Variants in PARN observed in about 807,000 individuals in gnomAD.
The protein encoded by PARN is poly(A)-specific ribonuclease.
PARN carries 71 observed loss-of-function variants against 102.8 expected under a neutral mutation model. That is an observed-to-expected ratio of 0.69 (90% CI 0.57 to 0.84). The LOEUF (loss-of-function observed/expected upper bound fraction) is 0.84. Among genes scored for constraint, PARN ranks in the 40% least tolerant of loss-of-function variants. PARN has a pLI of 0.00. For missense variants in PARN, 782 were observed against 760.9 expected (o/e 1.03, Z -0.33); for synonymous variants, 261 against 252.9 (o/e 1.03, Z -0.30).
intron 21 of PARN, among the ~76,000 whole-genome samples, chr16:14,518,291 CAAAAAAAA>C (rs34169116): frequency 3.8e-5 from 2 of 52,266 alleles, no homozygotes; most frequent in African/African-American, 8.8e-5. Flanking sequence ...GACCCTGTCT[CAAAAAAAA>C]AAAAAAAAAA....
chr16:14,577,825 G>A (rs569354692), intron 18 of PARN, among the ~76,000 whole-genome samples: 15 of 151,720 alleles, frequency 9.9e-5, no homozygotes, highest in African/African-American at 3.6e-4. Context: ...CCATCAACAC[G>A]CTCAGCTACT....
chr16:14,473,157 C>T (rs1278827810), intron 22 of PARN, among the ~76,000 whole-genome samples: 3 of 152,108 alleles, frequency 2.0e-5, no homozygotes, highest in African/African-American at 7.2e-5. Flanking sequence ...AAAGGAATAA[C>T]AGAAACCACC....
intron 22 of PARN, among the ~76,000 whole-genome samples, chr16:14,465,363 G>C (rs1031927711): frequency 2.6e-5 from 4 of 152,182 alleles, no homozygotes; most frequent in Non-Finnish European, 5.9e-5. Flanking sequence ...GATTACAGGC[G>C]TGAGCCAATG....
intron 22 of PARN, among the ~76,000 whole-genome samples, chr16:14,470,650 G>T (rs557775318): frequency 1.3e-5 from 2 of 151,678 alleles, no homozygotes; most frequent in African/African-American, 4.8e-5. Flanking sequence ...GTAGAGACAG[G>T]GTTTCGCCAT....
At chr16:14,577,907 A>T (rs1969245932) in intron 18 of PARN, among the ~76,000 whole-genome samples, 2 of 151,078 alleles carry the variant, frequency 1.3e-5, no homozygotes, top group Admixed American at 1.3e-4. Context: ...ACCTCAGGTG[A>T]TCCGCCCGCC....
At chr16:14,585,913 T>C (rs1270169864) in intron 14 of PARN, among the ~76,000 whole-genome samples, 5 of 151,844 alleles carry the variant, frequency 3.3e-5, no homozygotes, top group Non-Finnish European at 5.9e-5. Context: ...CAAGCTTATA[T>C]GAACATGATC....
At chr16:14,589,037 G>A (rs1970017711) in intron 13 of PARN, among the ~76,000 whole-genome samples, 1 of 151,792 alleles carries the variant, frequency 6.6e-6, no homozygotes, top group East Asian at 1.9e-4. Context: ...AAAATTAGCT[G>A]GGCATGGTGG....
At chr16:14,496,534 C>T (rs1964327922) in intron 21 of PARN, among the ~76,000 whole-genome samples, 1 of 152,158 alleles carries the variant, frequency 6.6e-6, no homozygotes, top group Non-Finnish European at 1.5e-5. Context: ...TGACAGACAG[C>T]TGAAAGACCT....
At chr16:14,525,265 C>T (rs1965935610) in intron 21 of PARN, among the ~76,000 whole-genome samples, 6 of 152,122 alleles carry the variant, frequency 3.9e-5, no homozygotes, top group Admixed American at 3.9e-4. Context: ...CTCCCTCCCA[C>T]CTGAAAGATA....
intron 21 of PARN, among the ~76,000 whole-genome samples, chr16:14,520,805 C>T (rs930230140): frequency 6.6e-5 from 10 of 152,022 alleles, no homozygotes; most frequent in Non-Finnish European, 1.5e-5. Context: ...AGCAGGTGTT[C>T]GTAGAGATGA....
intron 21 of PARN, among the ~76,000 whole-genome samples, chr16:14,518,791 AAT>A (rs1965593293): frequency 6.6e-6 from 1 of 152,224 alleles, no homozygotes; most frequent in South Asian, 2.1e-4. Flanking sequence ...GAACTACGAC[AAT>A]ATTTTAAATA....
chr16:14,452,246 C>T (rs1567287691), intron 22 of PARN, among the ~76,000 whole-genome samples: 1 of 152,170 alleles, frequency 6.6e-6, no homozygotes, highest in South Asian at 2.1e-4. Flanking sequence ...TGTAATGCTC[C>T]TCTCCATAAA....
At chr16:14,485,586 T>G (rs1178507611) in intron 21 of PARN, among the ~76,000 whole-genome samples, 1 of 152,236 alleles carries the variant, frequency 6.6e-6, no homozygotes, top group Non-Finnish European at 1.5e-5. Context: ...AACCCATTGG[T>G]TCTACCATCA....
intron 22 of PARN, among the ~76,000 whole-genome samples, chr16:14,457,690 C>A (rs948601075): frequency 1.3e-5 from 2 of 148,754 alleles, no homozygotes; most frequent in South Asian, 4.3e-4. Flanking sequence ...CCCAGCTACT[C>A]GGAAGGCTGA....
At chr16:14,567,858 G>C (rs1968523344) in intron 18 of PARN, among the ~76,000 whole-genome samples, 1 of 152,194 alleles carries the variant, frequency 6.6e-6, no homozygotes, top group African/African-American at 2.4e-5. Context: ...CACAGGGTAG[G>C]TATTTTCTTT....
intron 12 of PARN, among the ~76,000 whole-genome samples, chr16:14,599,365 C>T (rs1430204936): frequency 2.6e-5 from 4 of 152,012 alleles, no homozygotes; most frequent in Non-Finnish European, 5.9e-5. Context: ...AAAGGCCTCA[C>T]AAAGCAAGGA....
At chr16:14,437,892 G>A (rs558037298) in intron 23 of PARN, among the ~76,000 whole-genome samples, 60 of 152,254 alleles carry the variant, frequency 3.9e-4, no homozygotes, top group African/African-American at 1.4e-3. Context: ...AACGAGGTCT[G>A]AACACAAGAA....
At chr16:14,513,657 G>A (rs1436832047) in intron 21 of PARN, among the ~76,000 whole-genome samples, 1 of 152,134 alleles carries the variant, frequency 6.6e-6, no homozygotes, top group Non-Finnish European at 1.5e-5. Context: ...TGCCACTCCT[G>A]GAACCTGTCG....
chr16:14,465,068 T>G (rs1366115911), intron 22 of PARN, among the ~76,000 whole-genome samples: 1 of 152,102 alleles, frequency 6.6e-6, no homozygotes, highest in East Asian at 1.9e-4. Flanking sequence ...TTCTTTTCCT[T>G]TTCTTTTTTT....
Sources: gnomAD v4.1 joint callset for allele counts (sites outside exome capture counted in the v4.1 genomes callset) on GRCh38, gnomAD v4.1.1 for gene constraint, MANE v1.5 for transcripts, NCBI Gene and HGNC (gene_info 2026-07-23, HGNC 2026-07-21) for gene names.